The following CTNNA1 variants were observed in gnomAD, a reference collection of about 807,000 sequenced individuals.
CTNNA1 encodes catenin alpha 1.
A neutral mutation model predicts 98.4 loss-of-function variants in CTNNA1; 37 were observed. That is an observed-to-expected ratio of 0.38 (90% CI 0.29 to 0.49). The LOEUF is 0.49. Among genes scored for constraint, CTNNA1 ranks in the 20% least tolerant of loss-of-function variants. The probability of loss-of-function intolerance (pLI) is 0.95; values close to 1 mark genes in which losing one functional copy is unlikely to be tolerated. For missense variants in CTNNA1, 761 were observed against 1,147.2 expected (o/e 0.66, Z 4.86); for synonymous variants, 404 against 413.2 (o/e 0.98, Z 0.27).
intron 9 of CTNNA1, among the ~76,000 whole-genome samples, chr5:138,888,249 AAG>A (rs1044341342): frequency 1.8e-4 from 28 of 152,206 alleles, no homozygotes; most frequent in African/African-American, 6.0e-4. Context: ...GGCAAGAAGA[AAG>A]AGTGAATCGT....
intron 7 of CTNNA1, chr5:138,881,106 AG>A (rs565322120): frequency 5.3e-4 from 242 of 456,122 alleles, no homozygotes; most frequent in Non-Finnish European, 9.0e-4. Context: ...CATTGCTGAA[AG>A]GGGCTTCCTG....
intron 7 of CTNNA1, among the ~76,000 whole-genome samples, chr5:138,885,086 A>G (rs73263491): frequency 0.028 from 4,338 of 152,234 alleles, 205 homozygotes; most frequent in African/African-American, 0.093. Context: ...ATCCCTCAAT[A>G]TTTCTAACAG....
intron 9 of CTNNA1, among the ~76,000 whole-genome samples, chr5:138,895,504 G>C (rs570934251): frequency 1.6e-5 from 1 of 63,268 alleles, no homozygotes; most frequent in Non-Finnish European, 3.2e-5. Context: ...GCAGTTTTTT[G>C]GGGGGGGGGA....
chr5:138,857,140 C>T (rs1007249597), intron 7 of CTNNA1, among the ~76,000 whole-genome samples: 1 of 152,132 alleles, frequency 6.6e-6, no homozygotes, highest in Admixed American at 6.5e-5. Context: ...CCCTTAACAG[C>T]CTTTTTCTAA....
At chr5:138,771,388 T>A (rs1472540683) in intron 1 of CTNNA1, among the ~76,000 whole-genome samples, 1 of 151,992 alleles carries the variant, frequency 6.6e-6, no homozygotes, top group Non-Finnish European at 1.5e-5. Flanking sequence ...TTATTTATTT[T>A]TTGTATATTT....
chr5:138,833,260 C>T (rs546849413), intron 7 of CTNNA1, among the ~76,000 whole-genome samples: 2 of 152,276 alleles, frequency 1.3e-5, no homozygotes, highest in South Asian at 2.1e-4. Flanking sequence ...GACTGACTGG[C>T]GTTAGGGCTT....
At chr5:138,892,416 T>C (rs1295750585) in intron 9 of CTNNA1, among the ~76,000 whole-genome samples, 1 of 136,938 alleles carries the variant, frequency 7.3e-6, no homozygotes, top group African/African-American at 2.7e-5. Context: ...CTTGGCTCAC[T>C]GCAACCTCTG....
Position 138,873,589 on chromosome 5 carries a change from G to C in CTNNA1, c.1063-12623G>C. 6.2e-7 allele frequency: 1 copy of C among 1,614,006 alleles called. No homozygotes were observed. The highest frequency in any genetic ancestry group is 8.5e-7 in the Non-Finnish European group (1 of 1,179,902). ...ACCGACCTTGGAAACTGCCCAGCCAGGAGGCCAGAGCACATATTCGGGCGC... is the reference window on the plus strand; with the variant it reads ...ACCGACCTTGGAAACTGCCCAGCCACGAGGCCAGAGCACATATTCGGGCGC... On this transcript the variant is annotated intron_variant, in intron 7 of 17. Coordinates refer to ENST00000302763, the MANE Select transcript of CTNNA1 (RefSeq NM_001903.5). The surrounding 1 kb of genome is among the most constrained non-coding windows in gnomAD (Gnocchi z 6.1).
chr5:138,933,601 GGGCAGGCGCTTCCAGGCTATTTA>G (rs1456967655), intron 17 of CTNNA1, among the ~76,000 whole-genome samples, 178 bp from the exon 18 acceptor site: 11 of 152,306 alleles, frequency 7.2e-5, no homozygotes, highest in Admixed American at 6.5e-4. Context: ...AAGGGTCTGA[GGGCAGGCGCTTCCAGGCTATTTA>G]GATAAGAGCA....
intron 7 of CTNNA1, among the ~76,000 whole-genome samples, chr5:138,837,408 T>G (rs1054756500): frequency 6.6e-6 from 1 of 151,696 alleles, no homozygotes; most frequent in Middle Eastern, 3.4e-3. Flanking sequence ...ATTTAGTTGT[T>G]TCTTCCTTCT....
chr5:138,910,108 C>G (rs1760224390), intron 10 of CTNNA1, among the ~76,000 whole-genome samples: 1 of 152,180 alleles, frequency 6.6e-6, no homozygotes, highest in Non-Finnish European at 1.5e-5. Context: ...CCTCCCACCC[C>G]TCCTTGACTG....
intron 7 of CTNNA1, chr5:138,869,680 A>C (rs1288721424): frequency 6.6e-6 from 1 of 152,584 alleles, no homozygotes; most frequent in African/African-American, 2.4e-5. Flanking sequence ...TTTTTATTGG[A>C]AAGATGGAGT....
At chr5:138,888,103 A>C (rs288024) in intron 9 of CTNNA1, among the ~76,000 whole-genome samples, 1 of 152,028 alleles carries the variant, frequency 6.6e-6, no homozygotes, top group Non-Finnish European at 1.5e-5. Flanking sequence ...ATGTATGTCA[A>C]ATGCTTAGCT....
Position 138,812,234 on chromosome 5 carries a change from G to A in CTNNA1, c.520G>A (p.Gly174Arg), listed in dbSNP as rs761836161. The change falls in exon 5 of 18, where the codon GGA becomes AGA. Residue 174 changes from glycine (G) to arginine (R), a missense_variant. By Grantham distance (125) the Gly-to-Arg change is moderately radical. This residue lies in a region of CTNNA1 where 328 missense variants were observed against 354.3 expected (regional missense o/e 0.93). Transcript: ENST00000302763. Reference sequence around the variant, plus strand: ...GAATGCTGGCAATGAACAAGACTTAGGAATCCAGTATAAAGCCCTAAAACC... The same window carrying A: ...GAATGCTGGCAATGAACAAGACTTAAGAATCCAGTATAAAGCCCTAAAACC... The part of the protein sequence containing the change: ...LRNAGNEQDL[G>R]IQYKALKPEV... The A allele has an allele frequency of 2.5e-6, 4 of 1,613,764 alleles. No individual in the cohort carries two copies. Among genetic ancestry groups the A allele is most frequent in the Non-Finnish European group, 3.4e-6 (4 of 1,179,768 alleles).
At chr5:138,825,482 G>GTTTTGTTTTTTTTTT (rs1760581190) in intron 6 of CTNNA1, among the ~76,000 whole-genome samples, 1 of 74,114 alleles carries the variant, frequency 1.3e-5, no homozygotes, top group Admixed American at 1.9e-4. Context: ...AGCAGTATAA[G>GTTTTGTTTTTTTTTT]TTTTTTTTTT....
intron 2 of CTNNA1, chr5:138,782,325 A>G (rs973394541): frequency 2.0e-6 from 1 of 497,710 alleles, no homozygotes; most frequent in South Asian, 1.5e-5. Context: ...AACCCAAGAA[A>G]GGTGGAGTCT....
chr5:138,814,858 A>G (rs928238824), intron 5 of CTNNA1, among the ~76,000 whole-genome samples: 13 of 152,052 alleles, frequency 8.5e-5, no homozygotes, highest in South Asian at 8.3e-4. Context: ...GGTTCAAGCT[A>G]TTCTCTTGCC....
chr5:138,800,967 G>A (rs1757514293), intron 3 of CTNNA1, among the ~76,000 whole-genome samples: 1 of 152,160 alleles, frequency 6.6e-6, no homozygotes, highest in Non-Finnish European at 1.5e-5. Flanking sequence ...GTGGCACTTT[G>A]TATTAGCTTC....
chr5:138,931,339 C>T (rs1765267595), intron 16 of CTNNA1, among the ~76,000 whole-genome samples: 1 of 152,166 alleles, frequency 6.6e-6, no homozygotes, highest in Non-Finnish European at 1.5e-5. Flanking sequence ...CTGATAGGTA[C>T]AAAAATACGG....
Sources: allele counts gnomAD v4.1 joint callset (sites outside exome capture counted in the v4.1 genomes callset), GRCh38; gene constraint gnomAD v4.1.1; regional missense constraint gnomAD v4.1.1; non-coding constraint Gnocchi (gnomAD v3.1); transcripts MANE v1.5; gene names NCBI Gene and HGNC (gene_info 2026-07-23, HGNC 2026-07-21).